NMBR: variants seen among roughly 807,000 people sequenced by gnomAD.
NMBR encodes neuromedin-B receptor.
A neutral mutation model predicts 20.5 loss-of-function variants in NMBR; 16 were observed. The ratio of observed to expected loss-of-function variants is 0.78; its 90% CI spans 0.53 to 1.19. The LOEUF (loss-of-function observed/expected upper bound fraction) is 1.19. NMBR is among the 50% of genes most tolerant of loss of function. The probability of loss-of-function intolerance (pLI) is 0.00; values close to 1 mark genes in which losing one functional copy is unlikely to be tolerated. For missense variants in NMBR, 582 were observed against 499.1 expected, an observed-to-expected ratio of 1.17 and a Z score of -1.58; for synonymous variants, 212 against 196.6, an observed-to-expected ratio of 1.08 and a Z score of -0.65.
chr6:142,143,563 C>A (rs988557956), intron 1 of NMBR, among the ~76,000 whole-genome samples: 1 of 152,216 alleles, frequency 6.6e-6, no homozygotes, highest in African/African-American at 2.4e-5. Flanking sequence ...GAATTACAGG[C>A]GTGAGCCACT....
intron 1 of NMBR, among the ~76,000 whole-genome samples, chr6:142,142,869 G>A (rs562326255): frequency 6.6e-6 from 1 of 152,068 alleles, no homozygotes; most frequent in Non-Finnish European, 1.5e-5. Flanking sequence ...AGGATCGCTT[G>A]AGTCTAGGAG....
intron 1 of NMBR, among the ~76,000 whole-genome samples, chr6:142,100,964 C>T (rs1777550959): frequency 6.6e-6 from 1 of 152,108 alleles, no homozygotes; most frequent in Admixed American, 6.5e-5. Context: ...GAATTATTAG[C>T]CAAATTAAAT....
rs762339985 is a variant in NMBR at position 142,078,654 on chromosome 6, T to C, written c.672A>G (p.Pro224=). 4.3e-6 allele frequency: 7 copies of C among 1,612,818 alleles called. No individual in the cohort carries two copies. In the Admixed American group the frequency reaches 5.0e-5, roughly 12 times the overall value. Residue 224 remains proline, a synonymous_variant, in exon 3 of 4, where the codon CCA becomes CCG. Coordinates refer to ENST00000258042, the MANE Select transcript of NMBR (RefSeq NM_002511.4). ...VLIFLVYFLI[P]LAIISIYYYH... ...AATAATAAATGCTAATAATAGCAAG[T>C]GGTATGAGGAAATAGACCAAGAAAA... is the stretch of plus-strand genomic sequence containing the variant.
chr6:142,134,061 TAACTCTACAA>T (rs1229828314), intron 1 of NMBR: 2 of 651,686 alleles, frequency 3.1e-6, no homozygotes, highest in African/African-American at 3.6e-5. Flanking sequence ...ACATAAACAT[TAACTCTACAA>T]CAAACTCATT....
intron 1 of NMBR, among the ~76,000 whole-genome samples, chr6:142,127,035 C>T (rs225598): frequency 0.16 from 23,998 of 151,606 alleles, 2,560 homozygotes; most frequent in Middle Eastern, 0.37. Flanking sequence ...TGTTGTCTGG[C>T]TTTTAGTGTC....
At position 142,088,859 on chromosome 6, in the gene NMBR, T is replaced by C; in HGVS notation, c.-201A>G. The C allele has an allele frequency of 2.0e-6, 1 of 505,638 alleles. No homozygotes were observed. The highest frequency in any genetic ancestry group is 3.5e-6 in the Non-Finnish European group (1 of 285,190). The allele number at this position is 505,638 out of a possible 1,614,324, so 31.3% of individuals were successfully genotyped here. A position where few individuals can be genotyped will look rare whatever the true frequency, so the allele number is the denominator to read the frequency against. ...CTGTCCACACACTCGGGCGCTCCGC[T>C]TCTAGAGGGGGGAAATGGCTCCGGC... On this transcript the variant is annotated 5_prime_UTR_variant, in exon 2 of 4. Coordinates refer to ENST00000258042, the MANE Select transcript of NMBR (RefSeq NM_002511.4).
At chr6:142,114,665 T>C (rs1777820929) in intron 1 of NMBR, among the ~76,000 whole-genome samples, 1 of 152,092 alleles carries the variant, frequency 6.6e-6, no homozygotes, top group Non-Finnish European at 1.5e-5. Context: ...TAAATAAAAA[T>C]GTATTTGTGT....
At chr6:142,079,126 G>GAAAGAAAAAGAAAGAAAGA (rs11451074) in intron 2 of NMBR, among the ~76,000 whole-genome samples, 1 of 103,278 alleles carries the variant, frequency 9.7e-6, no homozygotes, top group African/African-American at 4.5e-5. Flanking sequence ...AAGAAAGAAA[G>GAAAGAAAAAGAAAGAAAGA]AAGAAAGAAA....
At chr6:142,122,986 C>T (rs566529019) in intron 1 of NMBR, among the ~76,000 whole-genome samples, 1 of 151,960 alleles carries the variant, frequency 6.6e-6, no homozygotes, top group South Asian at 2.1e-4. Context: ...GTAATTTCAA[C>T]TTTTAAGTCT....
chr6:142,134,794 C>G (rs529962652), intron 1 of NMBR: 3 of 683,842 alleles, frequency 4.4e-6, no homozygotes, highest in South Asian at 1.6e-5. Context: ...ATGCATGGTT[C>G]CAGAACACTT....
At chr6:142,122,276 A>G (rs1777956535) in intron 1 of NMBR, among the ~76,000 whole-genome samples, 1 of 152,004 alleles carries the variant, frequency 6.6e-6, no homozygotes, top group Admixed American at 6.6e-5. Context: ...AGTCCTATGA[A>G]GGCTAAGAGA....
intron 1 of NMBR, among the ~76,000 whole-genome samples, chr6:142,126,049 C>T (rs1390176838): frequency 1.3e-5 from 2 of 151,842 alleles, no homozygotes; most frequent in African/African-American, 4.8e-5. Context: ...CTTCCCATTT[C>T]CCACTCCCCA....
chr6:142,087,123 T>C (rs1777213983), intron 2 of NMBR, among the ~76,000 whole-genome samples: 1 of 152,194 alleles, frequency 6.6e-6, no homozygotes, highest in Non-Finnish European at 1.5e-5. Context: ...TCATTTTCAG[T>C]TTCTCAAGTC....
At chr6:142,093,373 A>T (rs1183953799) in intron 1 of NMBR, among the ~76,000 whole-genome samples, 1 of 136,892 alleles carries the variant, frequency 7.3e-6, no homozygotes, top group Non-Finnish European at 1.5e-5. Context: ...TCATTGTTCA[A>T]TTCCCACCTA....
At chr6:142,113,981 A>G (rs373436132) in intron 1 of NMBR, among the ~76,000 whole-genome samples, 1 of 152,108 alleles carries the variant, frequency 6.6e-6, no homozygotes, top group African/African-American at 2.4e-5. Flanking sequence ...CTTTTGCCCA[A>G]TTCCCCCTAC....
chr6:142,145,830 C>T (rs1388965311), intron 1 of NMBR, among the ~76,000 whole-genome samples: 1 of 152,176 alleles, frequency 6.6e-6, no homozygotes, highest in Non-Finnish European at 1.5e-5. Flanking sequence ...AAGATACTGA[C>T]ATTTAGGATC....
At chr6:142,092,393 G>A (rs946675985) in intron 1 of NMBR, among the ~76,000 whole-genome samples, 6 of 152,060 alleles carry the variant, frequency 3.9e-5, no homozygotes, top group African/African-American at 1.4e-4. Flanking sequence ...AATACTATAT[G>A]TAGTATTATA....
chr6:142,091,486 A>C (rs943843903), intron 1 of NMBR, among the ~76,000 whole-genome samples: 4 of 152,156 alleles, frequency 2.6e-5, no homozygotes, highest in African/African-American at 9.7e-5. Flanking sequence ...CAGCCTCCCA[A>C]ATGTCTATAA....
chr6:142,076,118 A>G (rs1776942236), intron 3 of NMBR, 69 bp from the exon 4 acceptor site: 1 of 1,389,642 alleles, frequency 7.2e-7, no homozygotes, highest in Non-Finnish European at 9.7e-7. Context: ...CAACTTTATC[A>G]AGTCAGGAAA....
Sources: gnomAD v4.1 joint callset for allele counts (sites outside exome capture counted in the v4.1 genomes callset) on GRCh38, gnomAD v4.1.1 for gene constraint, MANE v1.5 for transcripts, NCBI Gene and HGNC (gene_info 2026-07-23, HGNC 2026-07-21) for gene names.